CHN1: variants seen among roughly 807,000 people sequenced by gnomAD.
The protein encoded by CHN1 is chimerin 1, also known as N-chimaerin.
A neutral mutation model predicts 59.5 loss-of-function variants in CHN1; 37 were observed. The observed-to-expected ratio is 0.62, with a 90% CI of 0.48 to 0.82. The LOEUF is 0.82. Ranked by LOEUF, CHN1 falls within the 40% of genes least tolerant of loss-of-function variation. The pLI, the probability that CHN1 is intolerant of heterozygous loss-of-function variation, is 0.00. For missense variants in CHN1, 469 were observed against 571.0 expected (o/e 0.82, Z 1.82); for synonymous variants, 206 against 200.4 (o/e 1.03, Z -0.24).
chr2:174,869,095 C>G (rs1288188723), intron 6 of CHN1, among the ~76,000 whole-genome samples: 1 of 152,198 alleles, frequency 6.6e-6, no homozygotes, highest in African/African-American at 2.4e-5. Context: ...CTGAGTGAAT[C>G]TGGCTCAGGT....
At chr2:174,860,151 C>T (rs1156272661) in intron 6 of CHN1, among the ~76,000 whole-genome samples, 2 of 152,064 alleles carry the variant, frequency 1.3e-5, no homozygotes, top group Non-Finnish European at 2.9e-5. Context: ...ATCAATAAAA[C>T]TACCTCCAAA....
chr2:174,874,193 T>C (rs1041297559), intron 6 of CHN1, among the ~76,000 whole-genome samples: 1 of 152,216 alleles, frequency 6.6e-6, no homozygotes, highest in South Asian at 2.1e-4. Context: ...TGGTCCAGTA[T>C]CTGTTGACAT....
chr2:174,931,838 G>A (rs1689357677), intron 3 of CHN1, among the ~76,000 whole-genome samples: 1 of 152,168 alleles, frequency 6.6e-6, no homozygotes, highest in East Asian at 1.9e-4. Context: ...ATTCCAGAAA[G>A]AGAAGTCAGC....
intron 2 of CHN1, among the ~76,000 whole-genome samples, 167 bp downstream of exon 2, chr2:174,951,997 T>G (rs1030457638): frequency 6.6e-6 from 1 of 152,348 alleles, no homozygotes; most frequent in South Asian, 2.1e-4. Context: ...ACAGACTTTG[T>G]GTAAACACTT....
intron 7 of CHN1, among the ~76,000 whole-genome samples, chr2:174,834,959 A>G (rs1686022715): frequency 6.6e-6 from 1 of 152,228 alleles, no homozygotes; most frequent in Non-Finnish European, 1.5e-5. Flanking sequence ...TAGATCTGAG[A>G]GACATCCTCT....
At chr2:174,945,177 C>T (rs1442696031) in intron 2 of CHN1, 3 of 516,510 alleles carry the variant, frequency 5.8e-6, no homozygotes, top group African/African-American at 5.8e-5. Context: ...TACCTTATAA[C>T]AAGTCAGTGC....
chr2:174,874,083 T>C (rs1156971650), intron 6 of CHN1, among the ~76,000 whole-genome samples: 1 of 152,218 alleles, frequency 6.6e-6, no homozygotes, highest in Non-Finnish European at 1.5e-5. Context: ...TAGCTTATAT[T>C]ATTAACAATT....
intron 6 of CHN1, among the ~76,000 whole-genome samples, chr2:174,856,724 C>T (rs1465040881): frequency 6.6e-6 from 1 of 152,020 alleles, no homozygotes; most frequent in Non-Finnish European, 1.5e-5. Context: ...AAGTCTCAGG[C>T]CTGGGGACTA....
chr2:174,939,119 T>C (rs1689585627), intron 3 of CHN1, among the ~76,000 whole-genome samples: 3 of 152,162 alleles, frequency 2.0e-5, no homozygotes, highest in African/African-American at 7.2e-5. Flanking sequence ...CCTCAGGGGA[T>C]GGCAGCATTC....
chr2:174,990,382 A>G (rs1466923118), intron 1 of CHN1, among the ~76,000 whole-genome samples: 3 of 151,886 alleles, frequency 2.0e-5, no homozygotes, highest in Admixed American at 2.0e-4. Context: ...AATAAACACT[A>G]AAAGAGAAAG....
At chr2:174,991,799 G>A (rs1376081904) in intron 1 of CHN1, among the ~76,000 whole-genome samples, 2 of 152,152 alleles carry the variant, frequency 1.3e-5, no homozygotes, top group Non-Finnish European at 2.9e-5. Flanking sequence ...TAAGCTACAG[G>A]AATACCATGG....
chr2:174,987,577 T>G (rs1691390556), intron 1 of CHN1, among the ~76,000 whole-genome samples: 1 of 151,942 alleles, frequency 6.6e-6, no homozygotes, highest in South Asian at 2.1e-4. Flanking sequence ...ATTTTTGTAT[T>G]TTTGTATTAG....
intron 5 of CHN1, among the ~76,000 whole-genome samples, chr2:174,905,292 A>G (rs1263906063): frequency 1.3e-5 from 2 of 152,194 alleles, no homozygotes; most frequent in African/African-American, 4.8e-5. Context: ...TGCAAAGTAG[A>G]TAACTAGAGA....
intron 7 of CHN1, among the ~76,000 whole-genome samples, chr2:174,842,217 G>C (rs1304383046): frequency 6.6e-6 from 1 of 152,192 alleles, no homozygotes; most frequent in Admixed American, 6.5e-5. Context: ...CATCGGGAAA[G>C]GGCAAGGAAG....
At chr2:174,807,446 C>CTGTGTGTGTGTGTGTGTGTGTGTG (rs71031071) in intron 11 of CHN1, among the ~76,000 whole-genome samples, 3 of 83,844 alleles carry the variant, frequency 3.6e-5, no homozygotes, top group East Asian at 4.3e-4. Context: ...CACGGGCTAT[C>CTGTGTGTGTGTGTGTGTGTGTGTG]TGTGTGTGTG....
At chr2:174,827,440 T>C (rs1685726245) in intron 7 of CHN1, among the ~76,000 whole-genome samples, 1 of 152,022 alleles carries the variant, frequency 6.6e-6, no homozygotes, top group African/African-American at 2.4e-5. Flanking sequence ...ACACGAGGCA[T>C]GAGAGAAACA....
chr2:174,884,552 T>C (rs1293959972), intron 5 of CHN1, among the ~76,000 whole-genome samples: 1 of 152,168 alleles, frequency 6.6e-6, no homozygotes, highest in Non-Finnish European at 1.5e-5. Flanking sequence ...AGGGGTTTTG[T>C]ATTATTTACT....
At chr2:174,889,906 C>T (rs371728244) in intron 5 of CHN1, among the ~76,000 whole-genome samples, 50 of 150,300 alleles carry the variant, frequency 3.3e-4, no homozygotes, top group Admixed American at 8.0e-4. Flanking sequence ...TGTGTGCACG[C>T]GTGTGTGTAT....
intron 1 of CHN1, among the ~76,000 whole-genome samples, chr2:174,989,805 T>C (rs1215381723): frequency 6.6e-6 from 1 of 151,458 alleles, no homozygotes; most frequent in African/African-American, 2.4e-5. Context: ...AAAAAAAAAG[T>C]TGCATGTTTA....
Sources: gnomAD v4.1 joint callset for allele counts (sites outside exome capture counted in the v4.1 genomes callset) on GRCh38, gnomAD v4.1.1 for gene constraint, MANE v1.5 for transcripts, NCBI Gene and HGNC (gene_info 2026-07-23, HGNC 2026-07-21) for gene names.